The following SPON1 variants were observed in gnomAD, a reference collection of about 807,000 sequenced individuals.
SPON1 encodes the protein spondin 1.
Under a neutral mutation model 111.7 loss-of-function variants are expected in SPON1, and 52 were observed. The ratio of observed to expected loss-of-function variants is 0.47; its 90% CI spans 0.37 to 0.59. The LOEUF (loss-of-function observed/expected upper bound fraction) is 0.59, where lower values mean the gene tolerates loss of function less well. Among genes scored for constraint, SPON1 ranks in the 20% least tolerant of loss-of-function variants. SPON1 has a pLI of 0.00. For missense variants in SPON1, 957 were observed against 1,068.5 expected (o/e 0.90, Z 1.46); for synonymous variants, 410 against 395.8 (o/e 1.04, Z -0.43).
chr11:14,222,344 G>C (rs1848689673), intron 6 of SPON1, among the ~76,000 whole-genome samples: 1 of 152,218 alleles, frequency 6.6e-6, no homozygotes, highest in Non-Finnish European at 1.5e-5. Context: ...CTCATAGGAT[G>C]CACTTTAACA....
At chr11:14,231,039 T>C (rs1367023389) in intron 6 of SPON1, among the ~76,000 whole-genome samples, 5 of 152,140 alleles carry the variant, frequency 3.3e-5, no homozygotes, top group African/African-American at 9.7e-5. Context: ...TCTCGAATTC[T>C]TGGATTCAAG....
intron 6 of SPON1, among the ~76,000 whole-genome samples, chr11:14,160,385 TTATTTTTATATATA>T (rs2133873164): frequency 1.7e-5 from 1 of 60,556 alleles, no homozygotes; most frequent in African/African-American, 6.1e-5. Flanking sequence ...AACACTTACA[TTATTTTTATATATA>T]TATTTATATA....
chr11:14,158,743 T>G (rs1847877177), intron 6 of SPON1, among the ~76,000 whole-genome samples: 1 of 152,184 alleles, frequency 6.6e-6, no homozygotes, highest in Non-Finnish European at 1.5e-5. Context: ...TATTCATTTT[T>G]TGTAGTTGTT....
At position 14,259,331 on chromosome 11, in the gene SPON1, T is replaced by A. The variant is rs782586939; in HGVS notation, c.1544T>A (p.Ile515Asn). 2.5e-6 allele frequency: 4 copies of A among 1,613,124 alleles called. No homozygotes were observed. Among genetic ancestry groups the A allele is most frequent in the Admixed American group, 3.3e-5 (2 of 59,942 alleles). ...SEWITWSPCS[I>N]SCGMGMRSRE... ...TGGATCACCTGGTCGCCCTGCAGCA[T>A]CTCCTGCGGCATGGGCATGAGGTCC... The change falls in exon 12 of 16, where the codon ATC becomes AAC. Residue 515 changes from isoleucine to asparagine, a missense_variant. This residue lies in a region of SPON1 where 549 missense variants were observed against 606.2 expected (regional missense o/e 0.91). Transcript: ENST00000576479. The surrounding 1 kb of genome is among the most constrained non-coding windows in gnomAD (Gnocchi z 5.0).
intron 5 of SPON1, among the ~76,000 whole-genome samples, chr11:14,085,043 A>C (rs887077718): frequency 3.3e-5 from 5 of 152,002 alleles, no homozygotes; most frequent in African/African-American, 4.8e-5. Flanking sequence ...TCTGGAAATT[A>C]GCCCTTTGTC....
intron 5 of SPON1, among the ~76,000 whole-genome samples, chr11:14,101,006 A>AT (rs1265399398): frequency 4.6e-5 from 7 of 151,456 alleles, no homozygotes; most frequent in Non-Finnish European, 7.4e-5. Flanking sequence ...TTGCTTTTCC[A>AT]TTTTTTTGTT....
intron 6 of SPON1, 49 bp from the exon 7 acceptor site, chr11:14,243,283 C>T: frequency 6.6e-7 from 1 of 1,523,302 alleles, no homozygotes; most frequent in South Asian, 1.2e-5. Flanking sequence ...CCCTATTGTT[C>T]CCATGAGCCC....
chr11:14,185,968 G>T (rs1848281955), intron 6 of SPON1, among the ~76,000 whole-genome samples: 1 of 152,224 alleles, frequency 6.6e-6, no homozygotes, highest in Non-Finnish European at 1.5e-5. Context: ...GAGCTGAGGA[G>T]TACATCTTGG....
intron 7 of SPON1, among the ~76,000 whole-genome samples, chr11:14,246,745 A>G (rs568616286): frequency 2.0e-5 from 3 of 152,302 alleles, no homozygotes; most frequent in African/African-American, 7.2e-5. Context: ...TTCCTTATGG[A>G]GATTACAATT....
rs781862889 is a variant in SPON1 at position 14,080,007 on chromosome 11, C to T, written c.662C>T (p.Pro221Leu). 2.0e-5 allele frequency: 33 copies of T among 1,613,800 alleles called. No individual in the cohort carries two copies. In the African/African-American group the frequency reaches 4.1e-4, roughly 20 times the overall value. Residue 221 changes from proline to leucine, a missense_variant, in exon 5 of 16, where the codon CCA becomes CTA. By Grantham distance (98) the Pro-to-Leu change is moderately conservative (BLOSUM62 -3). Transcript: ENST00000576479. ...GGGAATTGGTCCGAGAAGACACACC[C>T]AAAGGATTACCCTCGTGAGTAGAGT... Reference protein sequence around the residue: ...FYGNWSEKTHPKDYPRRANHW... With the variant: ...FYGNWSEKTHLKDYPRRANHW...
chr11:14,193,380 A>C (rs1398340106), intron 6 of SPON1, among the ~76,000 whole-genome samples: 1 of 152,150 alleles, frequency 6.6e-6, no homozygotes, highest in African/African-American at 2.4e-5. Flanking sequence ...CCCCATGCCG[A>C]ACCTCATCAC....
intron 6 of SPON1, among the ~76,000 whole-genome samples, chr11:14,169,861 G>A (rs1554932253): frequency 6.6e-6 from 1 of 152,146 alleles, no homozygotes; most frequent in African/African-American, 2.4e-5. Flanking sequence ...CTATATCTCT[G>A]TTTTGGTACC....
In SPON1 at chr11:14,134,690, T is replaced by C. The variant is rs142260515; in HGVS notation, c.677-730T>C. ...TTTGCTCCTTGCTTACCTCTCCAGC[T>C]CTCCACTCCAACTGTGCTCTCTCCA... On this transcript the variant is annotated intron_variant, in intron 5 of 15. Coordinates refer to ENST00000576479, the MANE Select transcript of SPON1 (RefSeq NM_006108.4). Among the ~76,000 whole-genome samples the C allele has an allele frequency of 2.8e-3, 433 of 152,322 alleles. 1 individual carries two copies. Among genetic ancestry groups the C allele is most frequent in the African/African-American group, 9.5e-3 (396 of 41,564 alleles).
At chr11:14,099,075 T>G (rs918742529) in intron 5 of SPON1, among the ~76,000 whole-genome samples, 12 of 152,222 alleles carry the variant, frequency 7.9e-5, no homozygotes, top group African/African-American at 2.7e-4. Flanking sequence ...CTTTCCCTTA[T>G]CCTCACCCCC....
chr11:13,999,485 A>C (rs955699015), intron 2 of SPON1, among the ~76,000 whole-genome samples: 1 of 150,076 alleles, frequency 6.7e-6, no homozygotes, highest in Middle Eastern at 3.4e-3. Context: ...AGCTCACTGC[A>C]ACTTCCACCT....
chr11:14,225,310 A>G (rs1331640731), intron 6 of SPON1, among the ~76,000 whole-genome samples: 1 of 152,150 alleles, frequency 6.6e-6, no homozygotes, highest in African/African-American at 2.4e-5. Flanking sequence ...TCTATTTTCT[A>G]AGTGTTCTAC....
intron 2 of SPON1, among the ~76,000 whole-genome samples, chr11:14,031,696 C>T (rs1342192556): frequency 2.0e-5 from 3 of 151,862 alleles, no homozygotes; most frequent in African/African-American, 7.2e-5. Context: ...TCCTGGTTAA[C>T]GTTTCTATGA....
rs1554942473 is a variant in SPON1, at chr11:14,266,190, T to C, written c.*503T>C. ...CTTTTCAAGTCTCCTCAGTCATCAA[T>C]AGTTCCTGGGGAAAAACAGAGCTGG... On this transcript the variant is annotated 3_prime_UTR_variant, in exon 16 of 16. Coordinates refer to ENST00000576479, the MANE Select transcript of SPON1 (RefSeq NM_006108.4). 6.6e-6 allele frequency: 1 copy of C among 152,418 alleles called. No individual in the cohort carries two copies. Among genetic ancestry groups the C allele is most frequent in the African/African-American group, 2.4e-5 (1 of 41,456 alleles). The allele number at this position is 152,418 out of a possible 1,614,324, so 9.4% of individuals were successfully genotyped here. A position where few individuals can be genotyped will look rare whatever the true frequency, so the allele number is the denominator to read the frequency against.
rs1263197354 is a variant in SPON1, at chr11:14,228,104, G to A, written c.826-15228G>A. 6.6e-6 allele frequency among the ~76,000 whole-genome samples: 1 copy of A among 152,168 alleles called. No individual in the cohort carries two copies. Among genetic ancestry groups the A allele is most frequent in the African/African-American group, 2.4e-5 (1 of 41,450 alleles). ...TTGCTTTAATGTGATGGGTGATGCTGTTTTGCTGAAATTAAATGACTGCTC... is the reference window on the plus strand; with the variant it reads ...TTGCTTTAATGTGATGGGTGATGCTATTTTGCTGAAATTAAATGACTGCTC... On this transcript the variant is annotated intron_variant, in intron 6 of 15. Transcript: ENST00000576479. The surrounding 1 kb of genome is among the most constrained non-coding windows in gnomAD (Gnocchi z 4.2).
Sources: gnomAD v4.1 joint callset for allele counts (sites outside exome capture counted in the v4.1 genomes callset) on GRCh38, gnomAD v4.1.1 for gene constraint, gnomAD v4.1.1 regional missense constraint, Gnocchi (gnomAD v3.1) non-coding constraint, MANE v1.5 for transcripts, NCBI Gene and HGNC (gene_info 2026-07-23, HGNC 2026-07-21) for gene names.